The following PCDH7 variants were observed in gnomAD, a reference collection of about 807,000 sequenced individuals.
PCDH7 encodes the protein protocadherin 7.
PCDH7 carries 17 observed loss-of-function variants against 58.9 expected under a neutral mutation model. The observed-to-expected ratio is 0.29, with a 90% CI of 0.20 to 0.43. The LOEUF (loss-of-function observed/expected upper bound fraction) is 0.43. Among genes scored for constraint, PCDH7 ranks in the 20% least tolerant of loss-of-function variants. The probability of loss-of-function intolerance (pLI) is 1.00; values close to 1 mark genes in which losing one functional copy is unlikely to be tolerated. For synonymous variants in PCDH7, 664 were observed against 616.4 expected (o/e 1.08, Z -1.14); for missense variants, 1,274 against 1,441.0 (o/e 0.88, Z 1.88).
intron 3 of PCDH7, among the ~76,000 whole-genome samples, chr4:31,099,075 T>G (rs1714552702): frequency 6.6e-6 from 1 of 152,208 alleles, no homozygotes; most frequent in South Asian, 2.1e-4. Flanking sequence ...GTCATGTTGA[T>G]GGTGAAGGCT....
chr4:30,805,089 C>T (rs2109309039), intron 1 of PCDH7, among the ~76,000 whole-genome samples: 1 of 152,330 alleles, frequency 6.6e-6, no homozygotes, highest in East Asian at 1.9e-4. Flanking sequence ...CACTTTGTAT[C>T]ACTCTATTTA....
intron 3 of PCDH7, among the ~76,000 whole-genome samples, chr4:30,991,880 G>C (rs1294568288): frequency 6.6e-6 from 1 of 152,010 alleles, no homozygotes; most frequent in Non-Finnish European, 1.5e-5. Context: ...ATACACACAA[G>C]TTTTCTTTAT....
At chr4:31,088,747 A>G (rs1222146717) in intron 3 of PCDH7, among the ~76,000 whole-genome samples, 1 of 152,048 alleles carries the variant, frequency 6.6e-6, no homozygotes, top group East Asian at 1.9e-4. Flanking sequence ...CTGCTCTCTT[A>G]GAATTTCTGT....
chr4:30,903,583 C>G (rs1443794694), intron 1 of PCDH7, among the ~76,000 whole-genome samples: 3 of 152,028 alleles, frequency 2.0e-5, no homozygotes, highest in Non-Finnish European at 4.4e-5. Flanking sequence ...AAGATCTCAT[C>G]AGATCTTCAT....
chr4:30,787,632 A>G (rs1723585606), intron 1 of PCDH7, among the ~76,000 whole-genome samples: 1 of 152,090 alleles, frequency 6.6e-6, no homozygotes, highest in Admixed American at 6.6e-5. Context: ...ACACATTTAT[A>G]TATGCAGAAG....
chr4:31,121,213 A>G (rs539253847), intron 3 of PCDH7, among the ~76,000 whole-genome samples: 59 of 152,310 alleles, frequency 3.9e-4, no homozygotes, highest in African/African-American at 1.4e-3. Context: ...AAAAAAAGAC[A>G]TGTTTAACCA....
intron 3 of PCDH7, among the ~76,000 whole-genome samples, chr4:31,021,448 T>G (rs1754009624): frequency 6.6e-6 from 1 of 152,196 alleles, no homozygotes; most frequent in Non-Finnish European, 1.5e-5. Flanking sequence ...AAAAGGCAGT[T>G]CTGACCTTTT....
intron 3 of PCDH7, among the ~76,000 whole-genome samples, chr4:30,989,357 C>G (rs1296922049): frequency 1.3e-5 from 2 of 152,158 alleles, no homozygotes; most frequent in Non-Finnish European, 2.9e-5. Flanking sequence ...ATATACATCT[C>G]ACTAGTACAT....
chr4:30,918,812 C>G (rs1742803167), intron 1 of PCDH7, among the ~76,000 whole-genome samples: 1 of 152,092 alleles, frequency 6.6e-6, no homozygotes, highest in Non-Finnish European at 1.5e-5. Flanking sequence ...ATGTTTTCAG[C>G]TAGTCTTCCA....
At chr4:30,961,683 G>A (rs1237513964) in intron 3 of PCDH7, among the ~76,000 whole-genome samples, 1 of 152,080 alleles carries the variant, frequency 6.6e-6, no homozygotes, top group Non-Finnish European at 1.5e-5. Flanking sequence ...ATTTAAAAAT[G>A]CAATATTGGT....
chr4:31,027,882 A>G (rs1237965411), intron 3 of PCDH7, among the ~76,000 whole-genome samples: 1 of 152,148 alleles, frequency 6.6e-6, no homozygotes, highest in Non-Finnish European at 1.5e-5. Flanking sequence ...CTTTGTATCA[A>G]TCCTGCTTAT....
chr4:31,126,069 A>G (rs1191497551), intron 3 of PCDH7, among the ~76,000 whole-genome samples: 1 of 151,996 alleles, frequency 6.6e-6, no homozygotes, highest in Non-Finnish European at 1.5e-5. Flanking sequence ...CCTCATCTGT[A>G]AAGTGGAGTA....
At chr4:30,969,354 C>T (rs747875594) in intron 3 of PCDH7, among the ~76,000 whole-genome samples, 7 of 151,962 alleles carry the variant, frequency 4.6e-5, no homozygotes, top group Non-Finnish European at 5.9e-5. Flanking sequence ...TTGATTTTGT[C>T]TCTTTTTTTT....
intron 1 of PCDH7, among the ~76,000 whole-genome samples, chr4:30,805,851 T>C (rs1265424249): frequency 6.6e-6 from 1 of 152,238 alleles, no homozygotes; most frequent in African/African-American, 2.4e-5. Context: ...TCTATGCTTC[T>C]TACAATACAT....
chr4:31,132,795 A>G (rs919709474), intron 3 of PCDH7, among the ~76,000 whole-genome samples: 1 of 152,204 alleles, frequency 6.6e-6, no homozygotes, highest in Non-Finnish European at 1.5e-5. Flanking sequence ...AAATAAACAA[A>G]GATTCAGTTG....
intron 1 of PCDH7, among the ~76,000 whole-genome samples, chr4:30,771,377 C>T (rs531786338): frequency 2.6e-5 from 4 of 152,216 alleles, no homozygotes; most frequent in South Asian, 2.1e-4. Context: ...TCTATCCAAA[C>T]GCATTCAGCA....
intron 1 of PCDH7, among the ~76,000 whole-genome samples, chr4:30,854,712 T>C (rs1237550385): frequency 6.6e-6 from 1 of 152,072 alleles, no homozygotes; most frequent in East Asian, 1.9e-4. Flanking sequence ...GCATATTTTT[T>C]ATAAGTGTCA....
At chr4:31,013,451 A>G (rs2109155830) in intron 3 of PCDH7, among the ~76,000 whole-genome samples, 1 of 150,396 alleles carries the variant, frequency 6.6e-6, no homozygotes, top group South Asian at 2.1e-4. Flanking sequence ...ATATCTTCAT[A>G]TATTATATAT....
intron 1 of PCDH7, among the ~76,000 whole-genome samples, chr4:30,908,243 T>TAAAAAAAAAA (rs5857211): frequency 7.1e-6 from 1 of 140,972 alleles, no homozygotes; most frequent in African/African-American, 2.6e-5. Context: ...TAAAGAATAA[T>TAAAAAAAAAA]AAAAAAAAAA....
Sources: allele counts gnomAD v4.1 joint callset (sites outside exome capture counted in the v4.1 genomes callset), GRCh38; gene constraint gnomAD v4.1.1; transcripts MANE v1.5; gene names NCBI Gene and HGNC (gene_info 2026-07-23, HGNC 2026-07-21).